The following CSNK1G1 variants were observed in gnomAD, a reference collection of about 807,000 sequenced individuals.
CSNK1G1 encodes casein kinase 1 gamma 1.
A neutral mutation model predicts 59.6 loss-of-function variants in CSNK1G1; 22 were observed. The ratio of observed to expected loss-of-function variants is 0.37; its 90% CI spans 0.26 to 0.53. CSNK1G1 has a LOEUF of 0.53. Ranked by LOEUF, CSNK1G1 falls within the 20% of genes least tolerant of loss-of-function variation. The pLI is 0.89. For synonymous variants in CSNK1G1, 179 were observed against 177.1 expected, an observed-to-expected ratio of 1.01 and a Z score of -0.08; for missense variants, 384 against 519.5, an observed-to-expected ratio of 0.74 and a Z score of 2.54.
At chr15:64,300,812 A>G (rs1895289621) in intron 1 of CSNK1G1, 89 bp from the exon 2 acceptor site, 1 of 764,206 alleles carries the variant, frequency 1.3e-6, no homozygotes, top group Non-Finnish European at 1.8e-6. Flanking sequence ...AATCCTATCC[A>G]AAGGTGAGCA....
chr15:64,292,504 A>G (rs1347029607), intron 2 of CSNK1G1, among the ~76,000 whole-genome samples: 1 of 152,238 alleles, frequency 6.6e-6, no homozygotes, highest in Non-Finnish European at 1.5e-5. Flanking sequence ...GTTGTATGCA[A>G]GTAAAAACAT....
chr15:64,248,025 C>T (rs900496460), intron 4 of CSNK1G1, among the ~76,000 whole-genome samples: 4 of 152,146 alleles, frequency 2.6e-5, no homozygotes, highest in African/African-American at 9.7e-5. Flanking sequence ...CAATGACAGA[C>T]AAAACACTAG....
At chr15:64,246,638 AAGG>A (rs1393443496) in intron 4 of CSNK1G1, among the ~76,000 whole-genome samples, 6,621 of 110,018 alleles carry the variant, frequency 0.06, 515 homozygotes, top group African/African-American at 0.2. Flanking sequence ...AAAAAAAAAA[AAGG>A]GGGGGGGGGA....
chr15:64,271,678 A>C (rs1893314433), intron 2 of CSNK1G1, among the ~76,000 whole-genome samples: 1 of 152,196 alleles, frequency 6.6e-6, no homozygotes, highest in African/African-American at 2.4e-5. Flanking sequence ...TTTTATGTCC[A>C]AATATGTGGT....
intron 11 of CSNK1G1, among the ~76,000 whole-genome samples, chr15:64,177,028 G>A (rs898167062): frequency 6.6e-6 from 1 of 152,124 alleles, no homozygotes. Context: ...AAAGCTGCCT[G>A]CCCTCACCAC....
chr15:64,181,346 C>T (rs1192151659), intron 10 of CSNK1G1: 1 of 1,536,102 alleles, frequency 6.5e-7, no homozygotes, highest in East Asian at 2.4e-5. Context: ...ATTTCCAGCA[C>T]ATTATTCCTG....
At chr15:64,185,957 A>G (rs2081889011) in intron 10 of CSNK1G1, among the ~76,000 whole-genome samples, 1 of 152,110 alleles carries the variant, frequency 6.6e-6, no homozygotes, top group Non-Finnish European at 1.5e-5. Flanking sequence ...GAAAATACCA[A>G]AGAGCTGCTC....
In CSNK1G1 at chr15:64,259,230, A is replaced by G; in HGVS notation, c.193T>C (p.Tyr65His). ...TTGATTGCTACATATTCATTGGTGT[A>G]GAGATTTTTACCTAAGAGGAAAGCA... ...FGELRLGKNL[Y>H]TNEYVAIKLE... Residue 65 changes from tyrosine to histidine, a missense_variant, in exon 3 of 12, where the codon TAC becomes CAC. Around this residue, in one of 3 missense-constraint regions of CSNK1G1, gnomAD observed 325 missense variants for 440.9 expected, o/e 0.74. Transcript: ENST00000303052. 6.3e-7 allele frequency: 1 copy of G among 1,596,164 alleles called. No individual in the cohort carries two copies. The highest frequency in any genetic ancestry group is 8.5e-7 in the Non-Finnish European group (1 of 1,170,292).
At chr15:64,281,220 G>A (rs765971444) in intron 2 of CSNK1G1, among the ~76,000 whole-genome samples, 6 of 152,152 alleles carry the variant, frequency 3.9e-5, no homozygotes, top group Non-Finnish European at 7.4e-5. Flanking sequence ...CCTTGAGGAC[G>A]TTATACTAAG....
chr15:64,310,323 C>T (rs1895922709), intron 1 of CSNK1G1, among the ~76,000 whole-genome samples: 1 of 151,958 alleles, frequency 6.6e-6, no homozygotes, highest in Non-Finnish European at 1.5e-5. Context: ...ATTTACTTCC[C>T]TCCACTTGAT....
At chr15:64,242,074 C>A (rs1484380042) in intron 4 of CSNK1G1, among the ~76,000 whole-genome samples, 2 of 152,070 alleles carry the variant, frequency 1.3e-5, no homozygotes, top group South Asian at 4.1e-4. Context: ...CTACTATGAA[C>A]AACTATATGC....
chr15:64,332,735 A>G (rs1428226503), intron 1 of CSNK1G1, among the ~76,000 whole-genome samples: 2 of 148,628 alleles, frequency 1.3e-5, no homozygotes, highest in Admixed American at 1.3e-4. Context: ...AAAAAAAACA[A>G]AAACAAAAAA....
intron 11 of CSNK1G1, among the ~76,000 whole-genome samples, chr15:64,173,640 TGAGAC>T (rs2081704607): frequency 7.0e-6 from 1 of 143,076 alleles, no homozygotes; most frequent in Non-Finnish European, 1.5e-5. Context: ...TTTTTTTTTT[TGAGAC>T]TGAGTCTCAC....
intron 1 of CSNK1G1, among the ~76,000 whole-genome samples, chr15:64,302,831 A>C (rs1895435363): frequency 6.6e-6 from 1 of 152,140 alleles, no homozygotes; most frequent in Non-Finnish European, 1.5e-5. Flanking sequence ...TTATCACTAC[A>C]ATAGCCTCAT....
intron 6 of CSNK1G1, among the ~76,000 whole-genome samples, chr15:64,211,430 G>A (rs1190528238): frequency 1.3e-5 from 2 of 152,176 alleles, no homozygotes; most frequent in Non-Finnish European, 2.9e-5. Context: ...CACAAAATAT[G>A]ATGACAGGTT....
intron 3 of CSNK1G1, 172 bp downstream of exon 3, chr15:64,259,027 TAC>T (rs1479411666): frequency 1.8e-6 from 1 of 570,762 alleles, no homozygotes; most frequent in East Asian, 2.9e-5. Flanking sequence ...TTATATAGTA[TAC>T]AGTGATTCAT....
intron 7 of CSNK1G1, among the ~76,000 whole-genome samples, chr15:64,205,618 CA>C: frequency 6.6e-6 from 1 of 152,180 alleles, no homozygotes; most frequent in African/African-American, 2.4e-5. Flanking sequence ...TAGCTTGCTG[CA>C]CTCAGACTTA....
At chr15:64,320,819 T>A (rs974387173) in intron 1 of CSNK1G1, among the ~76,000 whole-genome samples, 2 of 152,164 alleles carry the variant, frequency 1.3e-5, no homozygotes, top group Admixed American at 6.5e-5. Flanking sequence ...ATTAATTTTT[T>A]AAAATTTTTA....
intron 1 of CSNK1G1, among the ~76,000 whole-genome samples, chr15:64,326,110 G>A (rs750604333): frequency 1.2e-4 from 19 of 152,154 alleles, no homozygotes; most frequent in Non-Finnish European, 2.5e-4. Context: ...TTGCAACCTC[G>A]ACTTCCCAGG....
Sources: gnomAD v4.1 joint callset for allele counts (sites outside exome capture counted in the v4.1 genomes callset) on GRCh38, gnomAD v4.1.1 for gene constraint, gnomAD v4.1.1 regional missense constraint, MANE v1.5 for transcripts, NCBI Gene and HGNC (gene_info 2026-07-23, HGNC 2026-07-21) for gene names.